The following C1orf21 variants were observed in gnomAD, a reference collection of about 807,000 sequenced individuals.
The protein encoded by C1orf21 is chromosome 1 open reading frame 21.
Under a neutral mutation model 18.7 loss-of-function variants are expected in C1orf21, and 3 were observed. That is an observed-to-expected ratio of 0.16 (90% confidence interval 0.07 to 0.42). The LOEUF is 0.42. C1orf21 is among the 10% of genes least tolerant of loss of function. The pLI is 0.99. For missense variants in C1orf21, 104 were observed against 143.6 expected, an observed-to-expected ratio of 0.72 and a Z score of 1.41; for synonymous variants, 41 against 46.4, an observed-to-expected ratio of 0.88 and a Z score of 0.47.
chr1:184,582,825 T>TTTTG lies in C1orf21; in HGVS notation c.190-7894_190-7891dup, dbSNP rs551032675. ...GAAGGTGAGGTTTGAGGGAATGTTTTTTTGTTTGTTTGTTTGTTTGTTTTG... is the reference window on the plus strand; with the variant it reads ...GAAGGTGAGGTTTGAGGGAATGTTTTTTTGTTTGTTTGTTTGTTTGTTTGTTTTG... On this transcript the variant is annotated intron_variant, in intron 3 of 5. Transcript: ENST00000235307. Among the ~76,000 whole-genome samples the TTTTG allele has an allele frequency of 5.5e-4, 84 of 152,194 alleles. No homozygotes were observed. In the Middle Eastern group the frequency reaches 0.01, roughly 18 times the overall value.
chr1:184,535,075 G>T (rs969696181), intron 3 of C1orf21, among the ~76,000 whole-genome samples: 1 of 149,992 alleles, frequency 6.7e-6, no homozygotes, highest in Non-Finnish European at 1.5e-5. Flanking sequence ...TAAAACAGGT[G>T]TGTGACATCA....
At chr1:184,438,277 G>A (rs979073949) in intron 1 of C1orf21, among the ~76,000 whole-genome samples, 5 of 126,594 alleles carry the variant, frequency 3.9e-5, no homozygotes, top group African/African-American at 2.2e-4. Flanking sequence ...TCTTGAGGAG[G>A]TGCTATTTTG....
At chr1:184,549,339 T>G (rs927168952) in intron 3 of C1orf21, among the ~76,000 whole-genome samples, 12 of 152,340 alleles carry the variant, frequency 7.9e-5, no homozygotes, top group Non-Finnish European at 1.5e-4. Flanking sequence ...TACTTTGCTT[T>G]TAAATTAATG....
chr1:184,416,649 G>A (rs1390016656), intron 1 of C1orf21, among the ~76,000 whole-genome samples: 1 of 152,116 alleles, frequency 6.6e-6, no homozygotes, highest in Non-Finnish European at 1.5e-5. Context: ...TTTATGAAAA[G>A]CAGTATTACT....
At chr1:184,477,711 T>C (rs1156734927) in intron 2 of C1orf21, 108 bp downstream of exon 2, 1 of 831,778 alleles carries the variant, frequency 1.2e-6, no homozygotes, top group Non-Finnish European at 1.9e-6. Flanking sequence ...TGATATTTTG[T>C]TACATGCCTA....
chr1:184,575,611 T>TAAAAAAAAAAAAAAAAAAAAAAAAAC (rs59167087), intron 3 of C1orf21, among the ~76,000 whole-genome samples: 1 of 83,508 alleles, frequency 1.2e-5, no homozygotes, highest in Admixed American at 1.1e-4. Flanking sequence ...CACAAAAAGG[T>TAAAAAAAAAAAAAAAAAAAAAAAAAC]AAAAAAAAAA....
intron 3 of C1orf21, among the ~76,000 whole-genome samples, chr1:184,579,398 T>A (rs1211039749): frequency 7.1e-6 from 1 of 140,444 alleles, no homozygotes; most frequent in South Asian, 2.3e-4. Context: ...TTTTTTTTTT[T>A]TTTTTTTTTG....
At chr1:184,447,190 C>T (rs1042630715) in intron 1 of C1orf21, among the ~76,000 whole-genome samples, 1 of 152,164 alleles carries the variant, frequency 6.6e-6, no homozygotes, top group African/African-American at 2.4e-5. Context: ...CCTCAGTCCT[C>T]TCCTAGTCTT....
chr1:184,592,793 C>T (rs984124444), intron 4 of C1orf21, among the ~76,000 whole-genome samples: 1 of 152,202 alleles, frequency 6.6e-6, no homozygotes, highest in African/African-American at 2.4e-5. Flanking sequence ...GGAGTCGCTG[C>T]AGCTATGGCC....
chr1:184,442,331 T>G (rs778188814), intron 1 of C1orf21, among the ~76,000 whole-genome samples: 1 of 152,198 alleles, frequency 6.6e-6, no homozygotes, highest in Non-Finnish European at 1.5e-5. Context: ...ATTCTACTAG[T>G]AAAATGGCCT....
intron 1 of C1orf21, among the ~76,000 whole-genome samples, chr1:184,446,852 T>G (rs937979522): frequency 1.7e-5 from 2 of 115,216 alleles, no homozygotes; most frequent in Non-Finnish European, 1.6e-5. Context: ...TTTTTCGTGG[T>G]TTTTTTTTTT....
rs1254922905 is a variant in C1orf21, at chr1:184,623,285, G to A, written c.*3729G>A. ...ATACTGAGTTGGAATCTTAGACTTC[G>A]GGACTCTGACACGTTCTTTATGAAA... On this transcript the variant is annotated 3_prime_UTR_variant, in exon 6 of 6. Transcript: ENST00000235307. The A allele has an allele frequency of 2.6e-5, 4 of 152,228 alleles. No individual in the cohort carries two copies. Among genetic ancestry groups the A allele is most frequent in the Admixed American group, 6.5e-5 (1 of 15,278 alleles). 9.4% of individuals were successfully genotyped at this position (152,228 alleles called of 1,614,324 possible).
intron 2 of C1orf21, among the ~76,000 whole-genome samples, chr1:184,484,230 T>G (rs1401511130): frequency 6.6e-6 from 1 of 152,130 alleles, no homozygotes; most frequent in Non-Finnish European, 1.5e-5. Flanking sequence ...TTGTACTCTG[T>G]TCCTTCATGA....
intron 2 of C1orf21, among the ~76,000 whole-genome samples, chr1:184,481,307 ATC>A (rs1657650449): frequency 6.6e-6 from 1 of 152,136 alleles, no homozygotes; most frequent in Admixed American, 6.5e-5. Flanking sequence ...TTCTCTATGT[ATC>A]TCTCATCTTT....
intron 3 of C1orf21, among the ~76,000 whole-genome samples, chr1:184,580,533 A>G (rs1180162266): frequency 2.0e-5 from 3 of 152,208 alleles, no homozygotes; most frequent in Non-Finnish European, 4.4e-5. Context: ...TTCCCTTACA[A>G]ATTGATGTGG....
At chr1:184,400,637 G>T (rs1252047072) in intron 1 of C1orf21, among the ~76,000 whole-genome samples, 1 of 152,014 alleles carries the variant, frequency 6.6e-6, no homozygotes, top group Non-Finnish European at 1.5e-5. Context: ...TTGGCTGTAT[G>T]GTTGTTTCTA....
intron 3 of C1orf21, among the ~76,000 whole-genome samples, chr1:184,549,847 AATGTTTTT>A (rs1176189579): frequency 1.4e-4 from 21 of 152,196 alleles, no homozygotes; most frequent in African/African-American, 5.1e-4. Flanking sequence ...ATAATGTATA[AATGTTTTT>A]ATATTTCACT....
At position 184,482,129 on chromosome 1, in the gene C1orf21, C is replaced by T. The variant is rs114851440; in HGVS notation, c.94+4526C>T. Among the ~76,000 whole-genome samples the T allele has an allele frequency of 5.1e-3, 782 of 152,268 alleles. 7 individuals are homozygous for T. Among genetic ancestry groups the T allele is most frequent in the African/African-American group, 0.017 (687 of 41,536 alleles). On this transcript the variant is annotated intron_variant, in intron 2 of 5. Transcript: ENST00000235307. Reference sequence around the variant, plus strand: ...AACATAACCAGCTTATTATTCCTCACGATTCTGGGGGATGGCTGGAGTTCA... The same window carrying T: ...AACATAACCAGCTTATTATTCCTCATGATTCTGGGGGATGGCTGGAGTTCA...
chr1:184,469,848 A>G (rs930866157), intron 1 of C1orf21, among the ~76,000 whole-genome samples: 2 of 152,196 alleles, frequency 1.3e-5, no homozygotes, highest in African/African-American at 4.8e-5. Flanking sequence ...ATGTACATTA[A>G]TCATTGGGAT....
Sources: allele counts gnomAD v4.1 joint callset (sites outside exome capture counted in the v4.1 genomes callset), GRCh38; gene constraint gnomAD v4.1.1; transcripts MANE v1.5; gene names NCBI Gene and HGNC (gene_info 2026-07-23, HGNC 2026-07-21).